Variants in ZC2HC1C observed in about 807,000 individuals in gnomAD.
ZC2HC1C encodes the protein zinc finger C2HC-type containing 1C.
ZC2HC1C carries 25 observed loss-of-function variants against 39.2 expected under a neutral mutation model. The observed-to-expected ratio is 0.64, with a 90% CI of 0.47 to 0.89. The LOEUF (loss-of-function observed/expected upper bound fraction) is 0.89. Ranked by LOEUF, ZC2HC1C falls within the 40% of genes least tolerant of loss-of-function variation. ZC2HC1C has a pLI of 0.00. For synonymous variants in ZC2HC1C, 209 were observed against 214.4 expected (o/e 0.97, Z 0.22); for missense variants, 519 against 548.6 (o/e 0.95, Z 0.54).
chr14:75,077,628 G>A lies in ZC2HC1C; in HGVS notation c.*64G>A. The A allele has an allele frequency of 6.2e-7, 1 of 1,602,390 alleles. No homozygotes were observed. Among genetic ancestry groups the A allele is most frequent in the East Asian group, 2.2e-5 (1 of 44,800 alleles). On this transcript the variant is annotated 3_prime_UTR_variant, in exon 3 of 3. Coordinates refer to ENST00000524913, the MANE Select transcript of ZC2HC1C (RefSeq NM_024643.4). ...AGAGGTCCAGCAGGTAACTGCCAAA[G>A]GTGGAAACTGTTCACACTTGCCTCC...
At chr14:75,075,115 A>G (rs990371425) in intron 2 of ZC2HC1C, among the ~76,000 whole-genome samples, 4 of 152,174 alleles carry the variant, frequency 2.6e-5, no homozygotes, top group Admixed American at 2.6e-4. Context: ...CATTTTCTAC[A>G]TACCTGTCTT....
chr14:75,071,610 C>G lies in ZC2HC1C; in HGVS notation c.1037C>G (p.Ser346Trp). The change falls in exon 2 of 3, where the codon TCG (serine) becomes TGG (tryptophan). Residue 346 changes from serine to tryptophan, a missense_variant. Physicochemically the swap from Ser to Trp is radical, Grantham distance 177. Coordinates refer to ENST00000524913, the MANE Select transcript of ZC2HC1C (RefSeq NM_024643.4). ...ATTCGAGACCCAGTCTCAGAGCCAT[C>G]GGTGGAGAAATTCTCCCCGCCTTCA... ...NKIRDPVSEP[S>W]VEKFSPPSET... 6.2e-7 allele frequency: 1 copy of G among 1,614,174 alleles called. No homozygotes were observed. The highest frequency in any genetic ancestry group is 1.3e-5 in the African/African-American group (1 of 75,058).
In ZC2HC1C at chr14:75,079,477, C is replaced by T. The variant is rs1893806095; in HGVS notation, c.*1913C>T. 1.3e-5 allele frequency: 2 copies of T among 152,124 alleles called. No homozygotes were observed. Among genetic ancestry groups the T allele is most frequent in the African/African-American group, 2.4e-5 (1 of 41,428 alleles). 9.4% of individuals were successfully genotyped at this position (152,124 alleles called of 1,614,324 possible). On this transcript the variant is annotated 3_prime_UTR_variant, in exon 3 of 3. Coordinates refer to ENST00000524913, the MANE Select transcript of ZC2HC1C (RefSeq NM_024643.4). ...ATATTTAACCTAATAGGTACATTCCCTAGGCAAGTTCAATGAAATGTACAC... is the reference window on the plus strand; with the variant it reads ...ATATTTAACCTAATAGGTACATTCCTTAGGCAAGTTCAATGAAATGTACAC...
intron 2 of ZC2HC1C, among the ~76,000 whole-genome samples, chr14:75,074,570 TTTTTG>T (rs1034472917): frequency 7.2e-4 from 109 of 151,776 alleles, no homozygotes; most frequent in African/African-American, 2.9e-4. Context: ...TACCTGTTTT[TTTTTG>T]TTTTGTTTTG....
chr14:75,073,583 GGAA>G (rs2139680305), intron 2 of ZC2HC1C: 1 of 1,289,276 alleles, frequency 7.8e-7, no homozygotes, highest in South Asian at 1.2e-5. Flanking sequence ...CTGTGCCTTT[GGAA>G]GCTGAGTGGT....
chr14:75,077,192 G>C (rs1019417855), intron 2 of ZC2HC1C, among the ~76,000 whole-genome samples: 15 of 152,194 alleles, frequency 9.9e-5, no homozygotes, highest in African/African-American at 3.6e-4. Flanking sequence ...TCTTCTGTGA[G>C]TGTGCTTGGG....
At chr14:75,076,151 T>C (rs879651144) in intron 2 of ZC2HC1C, among the ~76,000 whole-genome samples, 3 of 152,226 alleles carry the variant, frequency 2.0e-5, no homozygotes, top group Non-Finnish European at 4.4e-5. Flanking sequence ...ATTGGTCACA[T>C]GTTGGACTTC....
Position 75,077,740 on chromosome 14 carries a change from C to A in ZC2HC1C, c.*176C>A. The A allele has an allele frequency of 1.5e-6, 1 of 672,294 alleles. No individual in the cohort carries two copies. The highest frequency in any genetic ancestry group is 2.6e-6 in the Non-Finnish European group (1 of 387,430). The allele number at this position is 672,294 out of a possible 1,614,324, so 41.6% of individuals were successfully genotyped here. ...CCCAAGGTGGCTGAGCAACACATTC[C>A]CAAGTGTAAGACCATCAAGAACTGT... On this transcript the variant is annotated 3_prime_UTR_variant, in exon 3 of 3. Coordinates refer to ENST00000524913, the MANE Select transcript of ZC2HC1C (RefSeq NM_024643.4).
chr14:75,077,756 C>G lies in ZC2HC1C; in HGVS notation c.*192C>G, dbSNP rs1893748604. The G allele has an allele frequency of 1.6e-6, 1 of 620,302 alleles. No homozygotes were observed. The highest frequency in any genetic ancestry group is 2.0e-5 in the South Asian group (1 of 51,034). The allele number at this position is 620,302 out of a possible 1,614,324, so 38.4% of individuals were successfully genotyped here. ...AACACATTCCCAAGTGTAAGACCAT[C>G]AAGAACTGTCTTCCACCTCTAAGGA... On this transcript the variant is annotated 3_prime_UTR_variant, in exon 3 of 3. Coordinates refer to ENST00000524913, the MANE Select transcript of ZC2HC1C (RefSeq NM_024643.4).
chr14:75,075,281 T>G (rs1893617102), intron 2 of ZC2HC1C, among the ~76,000 whole-genome samples: 2 of 152,228 alleles, frequency 1.3e-5, no homozygotes, highest in African/African-American at 4.8e-5. Flanking sequence ...CTGGGTATTC[T>G]CTAGGCCTGG....
Position 75,075,533 on chromosome 14 carries a change from A to G in ZC2HC1C, c.1339-1999A>G, listed in dbSNP as rs999054540. Among the ~76,000 whole-genome samples, 6 of 152,220 alleles carry G rather than the reference A, an allele frequency of 3.9e-5. No homozygotes were observed. In the East Asian group the frequency reaches 1.2e-3, roughly 29 times the overall value. On this transcript the variant is annotated intron_variant, in intron 2 of 2. Coordinates refer to ENST00000524913, the MANE Select transcript of ZC2HC1C (RefSeq NM_024643.4). ...AAAATGATTATCTGTTAGAACTTTTAAAGTATTTCCCACTAGCTTTTAGCA... is the reference window on the plus strand; with the variant it reads ...AAAATGATTATCTGTTAGAACTTTTGAAGTATTTCCCACTAGCTTTTAGCA...
Position 75,071,284 on chromosome 14 carries a change from G to A in ZC2HC1C, c.711G>A (p.Lys237=). 6.2e-7 allele frequency: 1 copy of A among 1,614,188 alleles called. No homozygotes were observed. Among genetic ancestry groups the A allele is most frequent in the Non-Finnish European group, 8.5e-7 (1 of 1,180,042 alleles). Residue 237 remains lysine (K), a synonymous_variant, in exon 2 of 3, where the codon AAG becomes AAA. Transcript: ENST00000524913. The part of the protein sequence containing the change: ...IRRKQILLRG[K]LKKTEEELRR... ...GAAAGCAGATTCTCCTGAGGGGAAAGCTGAAGAAGACAGAGGAGGAACTCA... is the reference window on the plus strand; with the variant it reads ...GAAAGCAGATTCTCCTGAGGGGAAAACTGAAGAAGACAGAGGAGGAACTCA...
chr14:75,073,706 T>C (rs763400997), intron 2 of ZC2HC1C: 2 of 1,056,308 alleles, frequency 1.9e-6, no homozygotes, highest in South Asian at 1.3e-5. Flanking sequence ...TCTCCTGGAC[T>C]GTAAGCATTT....
rs1401082874 is a variant in ZC2HC1C, at chr14:75,071,837, G to T, written c.1264G>T (p.Asp422Tyr). The T allele has an allele frequency of 2.5e-6, 4 of 1,614,136 alleles. 1 individual carries two copies. The South Asian group carries it at 4.4e-5, about 18-fold the overall frequency. Residue 422 changes from aspartate (D) to tyrosine (Y), a missense_variant, in exon 2 of 3, where the codon GAC (aspartate) becomes TAC (tyrosine). By Grantham distance (160) the Asp-to-Tyr change is radical. Transcript: ENST00000524913. ...GCGGGGTTCCAAGAGGAAAGTGTTT[G>T]ACTCCTCCAGGGCCCGGGCTAAGGG... The part of the protein sequence containing the change: ...RMRGSKRKVF[D>Y]SSRARAKGTE...
At position 75,071,316 on chromosome 14, in the gene ZC2HC1C, T is replaced by C. The variant is rs1566627090; in HGVS notation, c.743T>C (p.Ile248Thr). 3 of 1,613,830 alleles carry C rather than the reference T, an allele frequency of 1.9e-6. No homozygotes were observed. The highest frequency in any genetic ancestry group is 8.5e-7 in the Non-Finnish European group (1 of 1,179,970). ...AAGACAGAGGAGGAACTCAGAAGGA[T>C]CCAGACGCAAAAGGAACAGGCCAAG... is the stretch of plus-strand genomic sequence containing the variant. ...LKKTEEELRR[I>T]QTQKEQAKEN... The change falls in exon 2 of 3, where the codon ATC becomes ACC. Residue 248 changes from isoleucine to threonine, a missense_variant. Ile to Thr is a moderately conservative substitution (Grantham distance 89). Coordinates refer to ENST00000524913, the MANE Select transcript of ZC2HC1C (RefSeq NM_024643.4).
Position 75,077,899 on chromosome 14 carries a change from C to T in ZC2HC1C, c.*335C>T, listed in dbSNP as rs1291015353. On this transcript the variant is annotated 3_prime_UTR_variant, in exon 3 of 3. Transcript: ENST00000524913. Reference sequence around the variant, plus strand: ...CAAAGCAGAAAGAAATCAAACAGCTCCCAGATCTGCCTGCAGAGCTAAAAT... The same window carrying T: ...CAAAGCAGAAAGAAATCAAACAGCTTCCAGATCTGCCTGCAGAGCTAAAAT... The T allele has an allele frequency of 7.3e-6, 2 of 273,980 alleles. No individual in the cohort carries two copies. The highest frequency in any genetic ancestry group is 1.4e-5 in the Non-Finnish European group (2 of 142,582). 17.0% of individuals were successfully genotyped at this position (273,980 alleles called of 1,614,324 possible).
chr14:75,071,909 A>C lies in ZC2HC1C; in HGVS notation c.1336A>C (p.Lys446Gln). The C allele has an allele frequency of 3.8e-6, 6 of 1,583,418 alleles. No homozygotes were observed. Among genetic ancestry groups the C allele is most frequent in the Non-Finnish European group, 5.1e-6 (6 of 1,166,268 alleles). The change falls in exon 2 of 3, where the codon AAG (lysine) becomes CAG (glutamine). Residue 446 changes from lysine to glutamine, a missense_variant and splice_region_variant. Coordinates refer to ENST00000524913, the MANE Select transcript of ZC2HC1C (RefSeq NM_024643.4). The part of the protein sequence containing the change: ...YLNWKGPASA[K>Q]AEPPQKSNWR ...GAACTGGAAGGGGCCAGCTTCAGCC[A>C]AGGTAACAAGAGCCTTATGGATGTG... is the stretch of plus-strand genomic sequence containing the variant.
At chr14:75,070,320 G>A (rs1893299948) in intron 1 of ZC2HC1C, among the ~76,000 whole-genome samples, 1 of 152,108 alleles carries the variant, frequency 6.6e-6, no homozygotes, top group Non-Finnish European at 1.5e-5. Flanking sequence ...AAAGCTAGGT[G>A]GCAGGAACAC....
In ZC2HC1C at chr14:75,071,686, C is replaced by T. The variant is rs1251378261; in HGVS notation, c.1113C>T (p.Ser371=). The T allele has an allele frequency of 2.5e-6, 4 of 1,614,148 alleles. No individual in the cohort carries two copies. The East Asian group carries it at 8.9e-5, about 36-fold the overall frequency. ...GATCCGCCAGAAATTCCAGCCTGTCCATGGCACCAGACTCCTCAGGTTCCA... is the reference window on the plus strand; with the variant it reads ...GATCCGCCAGAAATTCCAGCCTGTCTATGGCACCAGACTCCTCAGGTTCCA... ...LQGSARNSSL[S]MAPDSSGSSG... Residue 371 remains serine (S), a synonymous_variant, in exon 2 of 3, where the codon TCC becomes TCT. Transcript: ENST00000524913.
Sources: gnomAD v4.1 joint callset for allele counts (sites outside exome capture counted in the v4.1 genomes callset) on GRCh38, gnomAD v4.1.1 for gene constraint, MANE v1.5 for transcripts, NCBI Gene and HGNC (gene_info 2026-07-23, HGNC 2026-07-21) for gene names.